The following PRKCQ variants were observed in gnomAD, a reference collection of about 807,000 sequenced individuals.
PRKCQ encodes the protein protein kinase C theta, also known as protein kinase C theta type.
Under a neutral mutation model 91.2 loss-of-function variants are expected in PRKCQ, and 41 were observed. The observed-to-expected ratio is 0.45, with a 90% CI of 0.35 to 0.58. The LOEUF (loss-of-function observed/expected upper bound fraction) is 0.58, where lower values mean the gene tolerates loss of function less well. PRKCQ is among the 20% of genes least tolerant of loss of function. PRKCQ has a pLI of 0.00. For missense variants in PRKCQ, 673 were observed against 896.5 expected, an observed-to-expected ratio of 0.75 and a Z score of 3.18; for synonymous variants, 307 against 316.9, an observed-to-expected ratio of 0.97 and a Z score of 0.33.
At chr10:6,546,867 T>G (rs1588408868) in intron 1 of PRKCQ, among the ~76,000 whole-genome samples, 1 of 152,314 alleles carries the variant, frequency 6.6e-6, no homozygotes, top group African/African-American at 2.4e-5. Context: ...TGGCTGTGGG[T>G]CTGTCATAGA....
chr10:6,546,467 A>G (rs1226245835), intron 1 of PRKCQ, among the ~76,000 whole-genome samples: 3 of 152,214 alleles, frequency 2.0e-5, no homozygotes, highest in South Asian at 2.1e-4. Context: ...AGAAGGTGTT[A>G]TACTTAGGTA....
intron 1 of PRKCQ, among the ~76,000 whole-genome samples, chr10:6,523,514 C>T (rs2130885545): frequency 6.6e-6 from 1 of 152,164 alleles, no homozygotes; most frequent in Middle Eastern, 3.4e-3. Context: ...CCCTACAATA[C>T]AGTGACAAAG....
At chr10:6,513,936 C>G (rs1838621401) in intron 2 of PRKCQ, among the ~76,000 whole-genome samples, 1 of 152,198 alleles carries the variant, frequency 6.6e-6, no homozygotes, top group African/African-American at 2.4e-5. Flanking sequence ...TCCCTCTCTT[C>G]TTTACACTGC....
At position 6,427,998 on chromosome 10, in the gene PRKCQ, T is replaced by C; in HGVS notation, c.*209A>G. ...TAACTTCAGGAGCGTCTGTGAGACA[T>C]GTCAGGAGACGAGACACACGGCATC... On this transcript the variant is annotated 3_prime_UTR_variant, in exon 18 of 18. Coordinates refer to ENST00000263125, the MANE Select transcript of PRKCQ (RefSeq NM_006257.5). The C allele has an allele frequency of 5.0e-6, 3 of 600,822 alleles. No individual in the cohort carries two copies. Among genetic ancestry groups the C allele is most frequent in the Non-Finnish European group, 8.7e-6 (3 of 346,352 alleles). 37.2% of individuals were successfully genotyped at this position (600,822 alleles called of 1,614,324 possible).
intron 15 of PRKCQ, among the ~76,000 whole-genome samples, chr10:6,453,227 G>GA (rs1255076957): frequency 1.3e-5 from 2 of 151,532 alleles, no homozygotes; most frequent in African/African-American, 4.9e-5. Flanking sequence ...AAATTTACAA[G>GA]AAAAAAACAA....
the PRKCQ span, among the ~76,000 whole-genome samples, chr10:6,416,526 CT>C: frequency 6.6e-6 from 1 of 152,292 alleles, no homozygotes; most frequent in East Asian, 1.9e-4. Context: ...ATCCAAGTTG[CT>C]GCAAAAGACA....
intron 1 of PRKCQ, among the ~76,000 whole-genome samples, chr10:6,546,463 T>C (rs1839955498): frequency 6.6e-6 from 1 of 152,204 alleles, no homozygotes; most frequent in Non-Finnish European, 1.5e-5. Flanking sequence ...TCAAAGAAGG[T>C]GTTATACTTA....
At chr10:6,546,856 T>A (rs941849967) in intron 1 of PRKCQ, among the ~76,000 whole-genome samples, 1 of 152,214 alleles carries the variant, frequency 6.6e-6, no homozygotes, top group African/African-American at 2.4e-5. Flanking sequence ...CTGTATGATA[T>A]TGGCTGTGGG....
chr10:6,580,057 C>G (rs1435181001), intron 1 of PRKCQ, among the ~76,000 whole-genome samples, 154 bp downstream of exon 1: 1 of 152,074 alleles, frequency 6.6e-6, no homozygotes, highest in Non-Finnish European at 1.5e-5. Flanking sequence ...GCTCTTGCGC[C>G]CGCTTGGTTC....
At chr10:6,521,142 T>C (rs1410939896) in intron 1 of PRKCQ, among the ~76,000 whole-genome samples, 1 of 152,214 alleles carries the variant, frequency 6.6e-6, no homozygotes, top group Non-Finnish European at 1.5e-5. Context: ...TTCACGTCTG[T>C]CTTCCTCAAC....
At chr10:6,426,613 T>C (rs1449296923), downstream of PRKCQ, among the ~76,000 whole-genome samples, 1 of 151,992 alleles carries the variant, frequency 6.6e-6, no homozygotes, top group Non-Finnish European at 1.5e-5. Context: ...TTTAGGGGAG[T>C]GTCTATTTAA....
intron 4 of PRKCQ, among the ~76,000 whole-genome samples, chr10:6,503,560 G>A (rs918865099): frequency 2.0e-5 from 3 of 152,158 alleles, no homozygotes; most frequent in Admixed American, 6.5e-5. Flanking sequence ...ACTTCCTGGT[G>A]AGGTAGAGGA....
chr10:6,445,176 A>G (rs1834211163), intron 15 of PRKCQ, among the ~76,000 whole-genome samples: 1 of 150,650 alleles, frequency 6.6e-6, no homozygotes, highest in African/African-American at 2.4e-5. Context: ...ATTTTCTAGG[A>G]AAGCCAGATG....
intron 7 of PRKCQ, among the ~76,000 whole-genome samples, chr10:6,492,731 A>G (rs1400846732): frequency 6.6e-6 from 1 of 152,252 alleles, no homozygotes; most frequent in Non-Finnish European, 1.5e-5. Flanking sequence ...AGGAACAACA[A>G]AACACTTGGA....
chr10:6,514,777 T>C (rs969909457), intron 2 of PRKCQ, among the ~76,000 whole-genome samples: 1 of 152,138 alleles, frequency 6.6e-6, no homozygotes, highest in African/African-American at 2.4e-5. Flanking sequence ...TCCCTTTGTA[T>C]ATGTGGGAAA....
chr10:6,437,346 T>C (rs1320695347), intron 16 of PRKCQ, among the ~76,000 whole-genome samples: 1 of 152,192 alleles, frequency 6.6e-6, no homozygotes, highest in African/African-American at 2.4e-5. Context: ...CTCTCTCTGC[T>C]GTAAGGACAC....
chr10:6,578,405 T>G (rs1841322570), intron 1 of PRKCQ, among the ~76,000 whole-genome samples: 1 of 152,306 alleles, frequency 6.6e-6, no homozygotes. Context: ...TGCCTGGATA[T>G]TGACATTTTT....
Position 6,428,136 on chromosome 10 carries a change from C to G in PRKCQ, c.*71G>C, listed in dbSNP as rs1167052921. 6.3e-6 allele frequency: 10 copies of G among 1,580,106 alleles called. No individual in the cohort carries two copies. The highest frequency in any genetic ancestry group is 8.7e-6 in the Non-Finnish European group (10 of 1,154,968). ...TTCTTTTTCCAAGTTGAAAAAGGAA[C>G]CCAAGCAGTGTCTCTTGAACCAGTT... On this transcript the variant is annotated 3_prime_UTR_variant, in exon 18 of 18. Coordinates refer to ENST00000263125, the MANE Select transcript of PRKCQ (RefSeq NM_006257.5).
At chr10:6,423,590 AG>A (rs1263170812), downstream of PRKCQ, among the ~76,000 whole-genome samples, 1 of 152,170 alleles carries the variant, frequency 6.6e-6, no homozygotes. Flanking sequence ...GGGACCCCTC[AG>A]TAACTCCGGG....
Sources: gnomAD v4.1 joint callset for allele counts (sites outside exome capture counted in the v4.1 genomes callset) on GRCh38, gnomAD v4.1.1 for gene constraint, MANE v1.5 for transcripts, NCBI Gene and HGNC (gene_info 2026-07-23, HGNC 2026-07-21) for gene names.